Variants in DOCK1 observed in about 807,000 individuals in gnomAD.
DOCK1 encodes the protein dedicator of cytokinesis protein 1.
A neutral mutation model predicts 262.7 loss-of-function variants in DOCK1; 138 were observed. The ratio of observed to expected loss-of-function variants is 0.53; its 90% CI spans 0.46 to 0.61. The LOEUF (loss-of-function observed/expected upper bound fraction) is 0.61, where lower values mean the gene tolerates loss of function less well. Ranked by LOEUF, DOCK1 falls within the 20% of genes least tolerant of loss-of-function variation. DOCK1 has a pLI of 0.00. For synonymous variants in DOCK1, 866 were observed against 867.4 expected, an observed-to-expected ratio of 1.00 and a Z score of 0.03; for missense variants, 1,908 against 2,370.7, an observed-to-expected ratio of 0.80 and a Z score of 4.05.
chr10:127,075,594 A>G (rs954713566), intron 23 of DOCK1, among the ~76,000 whole-genome samples: 1 of 152,250 alleles, frequency 6.6e-6, no homozygotes, highest in African/African-American at 2.4e-5. Context: ...AGGAGACCTC[A>G]GGAAACTTAC....
At chr10:127,066,231 G>A (rs1158917291) in intron 23 of DOCK1, among the ~76,000 whole-genome samples, 2 of 151,862 alleles carry the variant, frequency 1.3e-5, no homozygotes, top group Admixed American at 6.6e-5. Context: ...CCCCAGCTGC[G>A]GTGTCTCCAG....
chr10:127,178,966 C>T (rs1350473150), intron 27 of DOCK1, among the ~76,000 whole-genome samples: 1 of 152,176 alleles, frequency 6.6e-6, no homozygotes, highest in African/African-American at 2.4e-5. Flanking sequence ...ATCTCCTATT[C>T]ATTCTTTAAC....
At chr10:127,086,724 G>C (rs1483316565) in intron 23 of DOCK1, among the ~76,000 whole-genome samples, 1 of 152,124 alleles carries the variant, frequency 6.6e-6, no homozygotes, top group Admixed American at 6.5e-5. Context: ...GACGTAAAAT[G>C]ATGACGAAAA....
intron 38 of DOCK1, among the ~76,000 whole-genome samples, chr10:127,387,607 C>T (rs2066202438): frequency 6.6e-6 from 1 of 152,152 alleles, no homozygotes; most frequent in Non-Finnish European, 1.5e-5. Flanking sequence ...TTGTGTGTTT[C>T]TTTAATGAGT....
intron 29 of DOCK1, among the ~76,000 whole-genome samples, chr10:127,265,171 T>G (rs968362000): frequency 6.6e-6 from 1 of 152,246 alleles, no homozygotes; most frequent in African/African-American, 2.4e-5. Context: ...GCTCATCAAA[T>G]GAAGGGGATT....
At chr10:127,200,632 C>T (rs111419615) in intron 27 of DOCK1, among the ~76,000 whole-genome samples, 13,169 of 152,162 alleles carry the variant, frequency 0.087, 744 homozygotes, top group Middle Eastern at 0.16. Flanking sequence ...TCCAACTCCT[C>T]AGCTCAGGCA....
At chr10:127,250,943 A>G (rs527426064) in intron 28 of DOCK1, among the ~76,000 whole-genome samples, 1 of 152,028 alleles carries the variant, frequency 6.6e-6, no homozygotes, top group East Asian at 1.9e-4. Flanking sequence ...TACCGAGTAT[A>G]TGACTGTTTT....
intron 27 of DOCK1, among the ~76,000 whole-genome samples, chr10:127,151,694 C>T (rs1374571874): frequency 2.0e-5 from 3 of 152,172 alleles, no homozygotes; most frequent in Non-Finnish European, 4.4e-5. Context: ...TTTCCCTGCT[C>T]GTATGAGATA....
chr10:127,288,836 T>C (rs2061254486), intron 29 of DOCK1, among the ~76,000 whole-genome samples: 1 of 150,478 alleles, frequency 6.6e-6, no homozygotes, highest in South Asian at 2.1e-4. Context: ...ACAATACCAA[T>C]TGTTACTTTA....
chr10:127,245,632 C>A (rs76953894), intron 27 of DOCK1, among the ~76,000 whole-genome samples: 4 of 152,172 alleles, frequency 2.6e-5, no homozygotes, highest in Non-Finnish European at 5.9e-5. Flanking sequence ...TGAATTTCTC[C>A]GCATGACGTG....
intron 43 of DOCK1, among the ~76,000 whole-genome samples, chr10:127,411,522 C>G (rs1323694285): frequency 6.6e-6 from 1 of 152,140 alleles, no homozygotes; most frequent in Admixed American, 6.5e-5. Context: ...GCCAGTGCCA[C>G]CACCCCAGTT....
chr10:127,039,788 C>A (rs1426324845), intron 19 of DOCK1, among the ~76,000 whole-genome samples: 1 of 152,148 alleles, frequency 6.6e-6, no homozygotes, highest in Non-Finnish European at 1.5e-5. Context: ...GTATTGATGA[C>A]TGATAGCAGA....
At chr10:127,029,501 G>A (rs1180277869) in intron 16 of DOCK1, among the ~76,000 whole-genome samples, 3 of 152,240 alleles carry the variant, frequency 2.0e-5, no homozygotes, top group Non-Finnish European at 2.9e-5. Context: ...TGTGGTCCAC[G>A]GAGCCAGGCA....
intron 22 of DOCK1, among the ~76,000 whole-genome samples, chr10:127,055,296 T>G (rs1364341741): frequency 9.9e-5 from 15 of 152,194 alleles, no homozygotes; most frequent in Admixed American, 9.2e-4. Flanking sequence ...TGGGGTCTCT[T>G]TATCTCCTAA....
intron 23 of DOCK1, among the ~76,000 whole-genome samples, chr10:127,091,497 C>T (rs1182046633): frequency 6.6e-6 from 1 of 152,194 alleles, no homozygotes; most frequent in East Asian, 1.9e-4. Context: ...AACACAGGTG[C>T]TATCTTTCAC....
intron 1 of DOCK1, among the ~76,000 whole-genome samples, chr10:126,921,794 A>G (rs1294731340): frequency 1.3e-5 from 2 of 152,086 alleles, no homozygotes; most frequent in Non-Finnish European, 2.9e-5. Flanking sequence ...CTGGGACTAT[A>G]GGCATGCACC....
intron 28 of DOCK1, among the ~76,000 whole-genome samples, chr10:127,249,459 ACACG>A (rs1244649876): frequency 6.1e-4 from 92 of 149,822 alleles, no homozygotes; most frequent in South Asian, 1.3e-3. Flanking sequence ...ACACACACAC[ACACG>A]CAGTCGTGTG....
chr10:126,954,767 C>G (rs2036595590), intron 1 of DOCK1, among the ~76,000 whole-genome samples: 3 of 152,250 alleles, frequency 2.0e-5, no homozygotes, highest in African/African-American at 7.2e-5. Context: ...TCAGAATTTC[C>G]TTTTTTAGGT....
At chr10:126,974,207 G>C (rs1283719082) in intron 2 of DOCK1, among the ~76,000 whole-genome samples, 2 of 152,126 alleles carry the variant, frequency 1.3e-5, no homozygotes, top group Admixed American at 6.5e-5. Context: ...TGCCAATCCT[G>C]CTGTCGACTC....
Sources: allele counts gnomAD v4.1 joint callset (sites outside exome capture counted in the v4.1 genomes callset), GRCh38; gene constraint gnomAD v4.1.1; transcripts MANE v1.5; gene names NCBI Gene and HGNC (gene_info 2026-07-23, HGNC 2026-07-21).